The following RDH12 variants were observed in gnomAD, a reference collection of about 807,000 sequenced individuals.
RDH12 encodes retinol dehydrogenase 12, also known as all-trans and 9-cis retinol dehydrogenase.
RDH12 carries 21 observed loss-of-function variants against 34.0 expected under a neutral mutation model. The observed-to-expected ratio is 0.62, with a 90% confidence interval of 0.44 to 0.89. The LOEUF (loss-of-function observed/expected upper bound fraction) is 0.89. RDH12 is among the 40% of genes least tolerant of loss of function. The pLI, the probability that RDH12 is intolerant of heterozygous loss-of-function variation, is 0.00. For missense variants in RDH12, 394 were observed against 398.6 expected (o/e 0.99, Z 0.10); for synonymous variants, 198 against 169.9 (o/e 1.17, Z -1.29).
chr14:67,729,511 C>G (rs1403980773), intron 8 of RDH12, 131 bp downstream of exon 8: 15 of 847,590 alleles, frequency 1.8e-5, no homozygotes, highest in Non-Finnish European at 2.9e-5. Context: ...GGCCTGCAAA[C>G]AGAATGCCGT....
chr14:67,727,147 G>T lies in RDH12; in HGVS notation c.615G>T (p.Leu205=). The change falls in exon 7 of 9, where the codon CTG becomes CTT. Residue 205 remains leucine (L), a synonymous_variant. Coordinates refer to ENST00000551171, the MANE Select transcript of RDH12 (RefSeq NM_152443.3). ...GTTTTGCCTATTGCCACAGCAAGCT[G>T]GCCAATGTGCTTTTTACTCGTGAGC... is the stretch of plus-strand genomic sequence containing the variant. ...SRGFAYCHSK[L]ANVLFTRELA... 1 of 1,614,094 alleles carries T rather than the reference G, an allele frequency of 6.2e-7. No homozygotes were observed. The highest frequency in any genetic ancestry group is 8.5e-7 in the Non-Finnish European group (1 of 1,180,026).
intron 1 of RDH12, among the ~76,000 whole-genome samples, chr14:67,713,996 C>T (rs749123985): frequency 4.6e-5 from 7 of 152,160 alleles, no homozygotes; most frequent in Non-Finnish European, 8.8e-5. Flanking sequence ...GAATGGGAGG[C>T]AGGTTTGCCC....
At chr14:67,712,065 A>G (rs540156615) in intron 1 of RDH12, among the ~76,000 whole-genome samples, 179 of 152,218 alleles carry the variant, frequency 1.2e-3, no homozygotes, top group African/African-American at 4.1e-3. Context: ...GATTACAGAC[A>G]TGTGCCACCA....
chr14:67,704,733 C>T (rs1049168238), intron 1 of RDH12, among the ~76,000 whole-genome samples: 1 of 152,206 alleles, frequency 6.6e-6, no homozygotes, highest in African/African-American at 2.4e-5. Context: ...TACAAAGCTT[C>T]TATTTTACCC....
chr14:67,732,429 CAAAA>C (rs11310522), intron 8 of RDH12, among the ~76,000 whole-genome samples: 6 of 126,490 alleles, frequency 4.7e-5, no homozygotes, highest in Non-Finnish European at 6.6e-5. Flanking sequence ...GACCCTATCT[CAAAA>C]AAAAAAAAAA....
intron 8 of RDH12, among the ~76,000 whole-genome samples, chr14:67,733,351 T>A (rs1191446023): frequency 1.3e-5 from 2 of 152,212 alleles, no homozygotes; most frequent in African/African-American, 4.8e-5. Context: ...GATTTGGCAT[T>A]TTCTTCAATT....
chr14:67,708,655 T>C (rs1331529997), intron 1 of RDH12, among the ~76,000 whole-genome samples: 1 of 152,096 alleles, frequency 6.6e-6, no homozygotes, highest in South Asian at 2.1e-4. Flanking sequence ...TTGGAACACA[T>C]ACCAGTAACA....
In RDH12 at chr14:67,724,463, T is replaced by C; in HGVS notation, c.69-10T>C. ...ATGGTACGTGATGCTCTTGTTTCCC[T>C]TGCCGATAGGAAGTTCTTTGCTGGT... On this transcript the variant is annotated splice_polypyrimidine_tract_variant and intron_variant, in intron 3 of 8. Coordinates refer to ENST00000551171, the MANE Select transcript of RDH12 (RefSeq NM_152443.3). The C allele has an allele frequency of 6.3e-7, 1 of 1,580,422 alleles. No individual in the cohort carries two copies.
At chr14:67,711,073 C>G (rs564971641) in intron 1 of RDH12, among the ~76,000 whole-genome samples, 6 of 152,282 alleles carry the variant, frequency 3.9e-5, no homozygotes, top group African/African-American at 9.6e-5. Context: ...TTGAGAGGAA[C>G]TTAGTTTATA....
chr14:67,719,483 CT>C (rs2038100641), intron 1 of RDH12, among the ~76,000 whole-genome samples: 1 of 151,668 alleles, frequency 6.6e-6, no homozygotes, highest in Admixed American at 6.6e-5. Flanking sequence ...TTTTTCTTTT[CT>C]TTTTTTTAGA....
At chr14:67,708,480 C>T (rs1594859034) in intron 1 of RDH12, among the ~76,000 whole-genome samples, 1 of 151,920 alleles carries the variant, frequency 6.6e-6, no homozygotes, top group African/African-American at 2.4e-5. Flanking sequence ...CAAAACAAGA[C>T]AACAATTGTC....
In RDH12 at chr14:67,702,389, G is replaced by T. The variant is rs575607568; in HGVS notation, c.-275+454G>T. 3.9e-5 allele frequency among the ~76,000 whole-genome samples: 6 copies of T among 152,148 alleles called. No individual in the cohort carries two copies. The East Asian group carries it at 1.2e-3, about 29-fold the overall frequency. On this transcript the variant is annotated intron_variant, in intron 1 of 8. Transcript: ENST00000551171. ...GGGTATTTTGTTGATAACTCAGAAGGTTTAGCTGTATTTCTTAAACCAACA... is the reference window on the plus strand; with the variant it reads ...GGGTATTTTGTTGATAACTCAGAAGTTTTAGCTGTATTTCTTAAACCAACA...
At chr14:67,730,455 T>C (rs980675355) in intron 8 of RDH12, among the ~76,000 whole-genome samples, 6 of 152,202 alleles carry the variant, frequency 3.9e-5, no homozygotes, top group African/African-American at 1.4e-4. Context: ...CAGTAAGCAT[T>C]TCCTTTGAGT....
chr14:67,707,094 TA>T (rs1488270515), intron 1 of RDH12, among the ~76,000 whole-genome samples: 12 of 152,230 alleles, frequency 7.9e-5, no homozygotes, highest in African/African-American at 2.9e-4. Context: ...TTCTGAAGTT[TA>T]AGTTGTCTAG....
chr14:67,716,010 A>G (rs1003212640), intron 1 of RDH12, among the ~76,000 whole-genome samples: 1 of 152,260 alleles, frequency 6.6e-6, no homozygotes, highest in African/African-American at 2.4e-5. Flanking sequence ...CCTGGCTAAC[A>G]TGGTGAAACC....
chr14:67,725,390 G>A (rs2038173541), intron 5 of RDH12, 136 bp downstream of exon 5: 1 of 913,818 alleles, frequency 1.1e-6, no homozygotes, highest in East Asian at 2.6e-5. Context: ...GAACCAGCAG[G>A]ACAGGGAATT....
chr14:67,706,970 T>C (rs1402854040), intron 1 of RDH12, among the ~76,000 whole-genome samples: 1 of 152,120 alleles, frequency 6.6e-6, no homozygotes, highest in Non-Finnish European at 1.5e-5. Context: ...CAAACAACAA[T>C]AAACAAAAGA....
intron 1 of RDH12, among the ~76,000 whole-genome samples, chr14:67,715,709 T>C (rs1317555290): frequency 6.6e-6 from 1 of 152,232 alleles, no homozygotes; most frequent in Non-Finnish European, 1.5e-5. Context: ...GGAATCCAAA[T>C]TTTGCAATAC....
rs376188136 is a variant in RDH12, at chr14:67,702,249, A to C, written c.-275+314A>C. On this transcript the variant is annotated intron_variant, in intron 1 of 8. Transcript: ENST00000551171. ...GTCCCAAAGTGCTAGGATTACACAC[A>C]TGAGCCACCATGCCTGGCCTGTGCT... 1.7e-4 allele frequency among the ~76,000 whole-genome samples: 26 copies of C among 152,242 alleles called. No individual in the cohort carries two copies. The East Asian group carries it at 2.3e-3, about 14-fold the overall frequency.
Sources: gnomAD v4.1 joint callset for allele counts (sites outside exome capture counted in the v4.1 genomes callset) on GRCh38, gnomAD v4.1.1 for gene constraint, MANE v1.5 for transcripts, NCBI Gene and HGNC (gene_info 2026-07-23, HGNC 2026-07-21) for gene names.